The following GTF2IRD2B variants were observed in gnomAD, a reference collection of about 807,000 sequenced individuals.
The protein encoded by GTF2IRD2B is general transcription factor II-I repeat domain-containing protein 2B.
Under a neutral mutation model 55.6 loss-of-function variants are expected in GTF2IRD2B, and 10 were observed. That is an observed-to-expected ratio of 0.18 (90% CI 0.11 to 0.31). The LOEUF is 0.31. Among genes scored for constraint, GTF2IRD2B ranks in the 10% least tolerant of loss-of-function variants. GTF2IRD2B has a pLI of 1.00. For synonymous variants in GTF2IRD2B, 107 were observed against 320.5 expected, an observed-to-expected ratio of 0.33 and a Z score of 7.12; for missense variants, 206 against 802.7, an observed-to-expected ratio of 0.26 and a Z score of 8.98.
Position 75,123,247 on chromosome 7 carries a change from C to T in GTF2IRD2B, c.470C>T (p.Pro157Leu). The T allele has an allele frequency of 7.1e-7, 1 of 1,410,720 alleles. No individual in the cohort carries two copies. The highest frequency in any genetic ancestry group is 9.6e-7 in the Non-Finnish European group (1 of 1,042,114). 87.4% of individuals were successfully genotyped at this position (1,410,720 alleles called of 1,614,324 possible). The change falls in exon 5 of 16, where the codon CCT becomes CTT. Residue 157 changes from proline (P) to leucine (L), a missense_variant. Pro to Leu is a moderately conservative substitution (Grantham distance 98). Transcript: ENST00000472837. ...GLPEGVAFQH[P>L]ENYDLATLKW... Reference sequence around the variant, plus strand: ...CCGGAAGGCGTTGCCTTTCAACACCCTGAGAATTACGACCTTGCAACCCTG... The same window carrying T: ...CCGGAAGGCGTTGCCTTTCAACACCTTGAGAATTACGACCTTGCAACCCTG...
At chr7:75,102,785 C>G (rs1375322801) in intron 1 of GTF2IRD2B, among the ~76,000 whole-genome samples, 2 of 151,734 alleles carry the variant, frequency 1.3e-5, no homozygotes, top group African/African-American at 4.8e-5. Context: ...TGATGAAACC[C>G]CATCTCTACT....
chr7:75,114,094 T>TAGAGAG (rs781910109), intron 3 of GTF2IRD2B, among the ~76,000 whole-genome samples: 1 of 142,258 alleles, frequency 7.0e-6, no homozygotes, highest in African/African-American at 2.6e-5. Context: ...GATGAATGGA[T>TAGAGAG]AGAGAGAGAG....
chr7:75,134,795 G>C lies in GTF2IRD2B; in HGVS notation c.749-206G>C, dbSNP rs587765649. 1.5e-4 allele frequency among the ~76,000 whole-genome samples: 22 copies of C among 145,824 alleles called. No individual in the cohort carries two copies. In the East Asian group the frequency reaches 3.1e-3, roughly 20 times the overall value. On this transcript the variant is annotated intron_variant, in intron 9 of 15. Transcript: ENST00000472837. The stretch of plus-strand genomic sequence containing the variant: ...TTGGCCAGGCTGGTCTCGAACTCCT[G>C]ACCTCAGGTGATCTGCCCGCCTCCA...
intron 8 of GTF2IRD2B, among the ~76,000 whole-genome samples, chr7:75,127,236 T>C (rs1434682330): frequency 6.6e-6 from 1 of 151,254 alleles, no homozygotes; most frequent in Non-Finnish European, 1.5e-5. Flanking sequence ...TCCAACACCT[T>C]GGGAGGCCGA....
intron 4 of GTF2IRD2B, among the ~76,000 whole-genome samples, chr7:75,122,839 G>C (rs1382873673): frequency 1.3e-5 from 2 of 150,364 alleles, no homozygotes; most frequent in African/African-American, 4.9e-5. Context: ...CCTGAGCTCA[G>C]CCGTTCGAGA....
chr7:75,123,772 G>C (rs1414776153), intron 6 of GTF2IRD2B: 1 of 502,108 alleles, frequency 2.0e-6, no homozygotes, highest in Non-Finnish European at 3.7e-6. Flanking sequence ...CAGCTACTCG[G>C]GAGTCTGAGG....
chr7:75,096,705 T>C (rs1289538658), intron 1 of GTF2IRD2B, among the ~76,000 whole-genome samples: 2 of 149,466 alleles, frequency 1.3e-5, no homozygotes, highest in African/African-American at 2.5e-5. Context: ...GGATTACAGG[T>C]GTGAGCCACC....
intron 1 of GTF2IRD2B, among the ~76,000 whole-genome samples, chr7:75,107,391 T>C (rs1807841720): frequency 6.6e-6 from 1 of 150,414 alleles, no homozygotes; most frequent in Admixed American, 6.7e-5. Flanking sequence ...CTGGCTAACA[T>C]GGTGAAACCC....
At chr7:75,116,579 C>T (rs1221549351) in intron 3 of GTF2IRD2B, among the ~76,000 whole-genome samples, 5 of 145,970 alleles carry the variant, frequency 3.4e-5, no homozygotes, top group African/African-American at 1.0e-4. Flanking sequence ...TTTAATTGCT[C>T]GGCTAGGACT....
chr7:75,122,859 A>T (rs75579605), intron 4 of GTF2IRD2B, among the ~76,000 whole-genome samples: 1 of 151,010 alleles, frequency 6.6e-6, no homozygotes, highest in Non-Finnish European at 1.5e-5. Context: ...ACCAGTCTGG[A>T]CAACATGGTG....
chr7:75,106,694 G>A (rs1807818196), intron 1 of GTF2IRD2B, among the ~76,000 whole-genome samples: 1 of 93,100 alleles, frequency 1.1e-5, no homozygotes, highest in Non-Finnish European at 2.3e-5. Context: ...CTTAAGCCCA[G>A]GAATTTGAGA....
In GTF2IRD2B at chr7:75,133,603, C is replaced by T. The variant is rs1334036453; in HGVS notation, c.748+391C>T. Among the ~76,000 whole-genome samples, 14 of 148,474 alleles carry T rather than the reference C, an allele frequency of 9.4e-5. 1 individual carries two copies. Among genetic ancestry groups the T allele is most frequent in the African/African-American group, 3.7e-4 (14 of 38,092 alleles). ...TGTTGCCCAAGCTGGAGTTCAGTGG[C>T]ACTATTTCCACTTACTGCAAACTCT... On this transcript the variant is annotated intron_variant, in intron 9 of 15. Coordinates refer to ENST00000472837, the MANE Select transcript of GTF2IRD2B (RefSeq NM_001003795.3).
In GTF2IRD2B at chr7:75,149,359, G is replaced by T. The variant is rs587656127; in HGVS notation, c.*62G>T. On this transcript the variant is annotated 3_prime_UTR_variant, in exon 16 of 16. Coordinates refer to ENST00000472837, the MANE Select transcript of GTF2IRD2B (RefSeq NM_001003795.3). ...AAGGCTGGAGTCTTCTAGTCCCAAG[G>T]GATTGGGAGATGACAAAATGAATTT... 41 of 771,974 alleles carry T rather than the reference G, an allele frequency of 5.3e-5. No individual in the cohort carries two copies. In the African/African-American group the frequency reaches 6.2e-4, roughly 12 times the overall value. The allele number at this position is 771,974 out of a possible 1,614,324, so 47.8% of individuals were successfully genotyped here. A position where few individuals can be genotyped will look rare whatever the true frequency, so the allele number is the denominator to read the frequency against.
intron 1 of GTF2IRD2B, among the ~76,000 whole-genome samples, chr7:75,104,752 G>A (rs1420973286): frequency 6.6e-6 from 1 of 152,284 alleles, no homozygotes; most frequent in East Asian, 1.9e-4. Flanking sequence ...GTGGAATCTA[G>A]AATGCTCAAG....
At chr7:75,121,039 T>A (rs1554451882) in intron 4 of GTF2IRD2B, 29 bp downstream of exon 4, 1 of 160,258 alleles carries the variant, frequency 6.2e-6, no homozygotes. Context: ...ATTAATTCTA[T>A]TTTTTTTTTT....
In GTF2IRD2B at chr7:75,134,981, ATTAT is replaced by A. The variant is rs1554453366; in HGVS notation, c.749-13_749-10del. The A allele has an allele frequency of 2.9e-5, 23 of 786,846 alleles. No homozygotes were observed. The highest frequency in any genetic ancestry group is 1.1e-4 in the Admixed American group (4 of 37,442). 48.7% of individuals were successfully genotyped at this position (786,846 alleles called of 1,614,324 possible). The stretch of plus-strand genomic sequence containing the variant: ...TTTTTGTATTTCTCCTTTGTTATAT[ATTAT>A]TTATTTTTCTTTCAGGAAGCCACCC... On this transcript the variant is annotated splice_polypyrimidine_tract_variant and intron_variant, in intron 9 of 15. Coordinates refer to ENST00000472837, the MANE Select transcript of GTF2IRD2B (RefSeq NM_001003795.3).
At position 75,123,340 on chromosome 7, in the gene GTF2IRD2B, G is replaced by A. The variant is rs782153905; in HGVS notation, c.542+21G>A. 1.9e-4 allele frequency: 150 copies of A among 804,548 alleles called. 6 individuals are homozygous for A. The Middle Eastern group carries it at 2.8e-3, about 15-fold the overall frequency. 49.8% of individuals were successfully genotyped at this position (804,548 alleles called of 1,614,324 possible). A position where few individuals can be genotyped will look rare whatever the true frequency, so the allele number is the denominator to read the frequency against. The stretch of plus-strand genomic sequence containing the variant: ...AATAGGTGACACACTCTGCACCCCC[G>A]CCCCTTCAGTTCATTTAAAGATGAA... On this transcript the variant is annotated intron_variant, in intron 5 of 15. Coordinates refer to ENST00000472837, the MANE Select transcript of GTF2IRD2B (RefSeq NM_001003795.3).
intron 2 of GTF2IRD2B, 118 bp from the exon 3 acceptor site, chr7:75,112,271 AAAATAAAT>A: frequency 1.1e-5 from 2 of 177,536 alleles, no homozygotes; most frequent in Non-Finnish European, 2.0e-5. Context: ...CTCCGTCTCA[AAAATAAAT>A]AAATAAATAA....
chr7:75,120,177 T>G (rs1274592487), intron 3 of GTF2IRD2B, among the ~76,000 whole-genome samples: 2 of 35,478 alleles, frequency 5.6e-5, no homozygotes, highest in Non-Finnish European at 1.2e-4. Flanking sequence ...GCCCCTTACA[T>G]TGATACAAAA....
Sources: allele counts gnomAD v4.1 joint callset (sites outside exome capture counted in the v4.1 genomes callset), GRCh38; gene constraint gnomAD v4.1.1; transcripts MANE v1.5; gene names NCBI Gene and HGNC (gene_info 2026-07-23, HGNC 2026-07-21).